The following ANXA1 variants were observed in gnomAD, a reference collection of about 807,000 sequenced individuals.
The protein encoded by ANXA1 is annexin A1.
ANXA1 carries 39 observed loss-of-function variants against 47.9 expected under a neutral mutation model. The observed-to-expected ratio is 0.81, with a 90% CI of 0.63 to 1.06. The LOEUF is 1.06. Ranked by LOEUF, ANXA1 falls within the 50% of genes least tolerant of loss-of-function variation. The probability of loss-of-function intolerance (pLI) is 0.00; values close to 1 mark genes in which losing one functional copy is unlikely to be tolerated. For synonymous variants in ANXA1, 146 were observed against 142.5 expected, an observed-to-expected ratio of 1.02 and a Z score of -0.17; for missense variants, 446 against 422.7, an observed-to-expected ratio of 1.06 and a Z score of -0.48.
At position 73,170,154 on chromosome 9, in the gene ANXA1, A is replaced by G. The variant is rs758769500; in HGVS notation, c.*47A>G. ...GCTATGATCAGAAGACTTTAATTAT[A>G]TATTTTCATCCTATAAGCTTAAATA... On this transcript the variant is annotated 3_prime_UTR_variant, in exon 13 of 13. Transcript: ENST00000257497. 4.6e-6 allele frequency: 7 copies of G among 1,513,578 alleles called. No individual in the cohort carries two copies. The highest frequency in any genetic ancestry group is 5.4e-6 in the Non-Finnish European group (6 of 1,109,414). 93.8% of individuals were successfully genotyped at this position (1,513,578 alleles called of 1,614,324 possible). A position where few individuals can be genotyped will look rare whatever the true frequency, so the allele number is the denominator to read the frequency against.
intron 10 of ANXA1, 58 bp downstream of exon 10, chr9:73,166,250 T>C (rs1170409226): frequency 8.0e-6 from 10 of 1,256,358 alleles, no homozygotes; most frequent in African/African-American, 1.5e-5. Flanking sequence ...TTCAAAGCTA[T>C]CCTATACTTA....
chr9:73,162,728 C>A (rs1824163657), intron 6 of ANXA1, 54 bp from the exon 7 acceptor site: 33 of 1,370,584 alleles, frequency 2.4e-5, no homozygotes, highest in Non-Finnish European at 3.3e-5. Flanking sequence ...GTCAGATATT[C>A]TTATTATTAT....
intron 11 of ANXA1, 140 bp from the exon 12 acceptor site, chr9:73,168,880 GGTGTGTGTGTGT>G (rs3832643): frequency 1.2e-5 from 5 of 402,862 alleles, no homozygotes; most frequent in Non-Finnish European, 2.3e-5. Flanking sequence ...ATTCGTGTAA[GGTGTGTGTGTGT>G]GTGTGTGTGT....
At chr9:73,167,813 T>C (rs1166250488) in intron 11 of ANXA1, 2 of 391,426 alleles carry the variant, frequency 5.1e-6, no homozygotes, top group Non-Finnish European at 4.6e-6. Context: ...TTAAAACATG[T>C]GTCACCACGG....
intron 1 of ANXA1, 63 bp downstream of exon 1, chr9:73,151,987 T>C (rs769267299): frequency 2.6e-5 from 4 of 152,242 alleles, no homozygotes; most frequent in Non-Finnish European, 4.4e-5. Context: ...CATCACTATG[T>C]TAAATGTTAC....
chr9:73,154,258 G>GC, intron 1 of ANXA1: 1 of 1,317,974 alleles, frequency 7.6e-7, no homozygotes, highest in Admixed American at 1.9e-5. Flanking sequence ...ACAAGGCCGT[G>GC]CATTTAAAAA....
At chr9:73,159,673 T>C (rs1191104211) in intron 4 of ANXA1, 1 of 308,802 alleles carries the variant, frequency 3.2e-6, no homozygotes, top group Non-Finnish European at 6.1e-6. Context: ...AATTTTTAAT[T>C]TGAACGTAAA....
At chr9:73,166,042 G>A (rs1352210294) in intron 9 of ANXA1, 55 bp from the exon 10 acceptor site, 2 of 1,407,480 alleles carry the variant, frequency 1.4e-6, no homozygotes, top group Non-Finnish European at 1.9e-6. Context: ...TTTTGCTAAA[G>A]CTTTCTAAAG....
intron 1 of ANXA1, among the ~76,000 whole-genome samples, chr9:73,152,974 A>T (rs1823994817): frequency 6.6e-6 from 1 of 152,204 alleles, no homozygotes; most frequent in Non-Finnish European, 1.5e-5. Context: ...GATTGTAAAA[A>T]CTTTGAGAAA....
chr9:73,168,515 AC>A (rs1195943250), intron 11 of ANXA1: 1 of 152,390 alleles, frequency 6.6e-6, no homozygotes, highest in African/African-American at 2.4e-5. Flanking sequence ...GGAAGAAGTA[AC>A]CCACACACAG....
chr9:73,158,448 T>C lies in ANXA1; in HGVS notation c.-14-74T>C, dbSNP rs573952148. On this transcript the variant is annotated intron_variant, in intron 1 of 12. Coordinates refer to ENST00000257497, the MANE Select transcript of ANXA1 (RefSeq NM_000700.3). ...ACTCTCTAATGCTAACTCTTATGTA[T>C]GTAAGAGGTGAGGAAGGAGAGGTTG... 1.4e-4 allele frequency: 150 copies of C among 1,096,532 alleles called. No individual in the cohort carries two copies. In the African/African-American group the frequency reaches 2.2e-3, roughly 16 times the overall value. 67.9% of individuals were successfully genotyped at this position (1,096,532 alleles called of 1,614,324 possible).
chr9:73,160,625 G>A (rs1824125256), intron 5 of ANXA1, among the ~76,000 whole-genome samples, 178 bp from the exon 6 acceptor site: 1 of 152,040 alleles, frequency 6.6e-6, no homozygotes, highest in Admixed American at 6.6e-5. Context: ...CCAAAATATT[G>A]ATGATAAACT....
rs749564615 is a variant in ANXA1, at chr9:73,159,397, G to A, written c.244G>A (p.Ala82Thr). The A allele has an allele frequency of 1.2e-6, 2 of 1,613,106 alleles. No individual in the cohort carries two copies. The highest frequency in any genetic ancestry group is 1.1e-5 in the South Asian group (1 of 91,058). Residue 82 changes from alanine to threonine, a missense_variant, in exon 4 of 13, where the codon GCA becomes ACA. Ala to Thr is a moderately conservative substitution (Grantham distance 58, BLOSUM62 0). Coordinates refer to ENST00000257497, the MANE Select transcript of ANXA1 (RefSeq NM_000700.3). Reference sequence around the variant, plus strand: ...CAATGCACAGCGTCAACAGATCAAAGCAGCATATCTCCAGGAAACAGGAAA... The same window carrying A: ...CAATGCACAGCGTCAACAGATCAAAACAGCATATCTCCAGGAAACAGGAAA... ...RNNAQRQQIK[A>T]AYLQETGKPL...
Position 73,160,366 on chromosome 9 carries a change from C to T in ANXA1, c.374C>T (p.Ala125Val), listed in dbSNP as rs894827740. ...CAATTTGATGCTGATGAACTTCGTG[C>T]TGCCATGAAGGTAAATCGCCCAATT... The part of the protein sequence containing the change: ...PAQFDADELR[A>V]AMKGLGTDED... The change falls in exon 5 of 13, where the codon GCT (alanine) becomes GTT (valine). Residue 125 changes from alanine to valine, a missense_variant. Ala to Val is a moderately conservative substitution (Grantham distance 64). Transcript: ENST00000257497. The T allele has an allele frequency of 3.2e-6, 5 of 1,575,828 alleles. No homozygotes were observed. In the African/African-American group the frequency reaches 6.9e-5, roughly 22 times the overall value.
intron 8 of ANXA1, 23 bp downstream of exon 8, chr9:73,163,555 C>A (rs2118161628): frequency 6.2e-7 from 1 of 1,611,220 alleles, no homozygotes; most frequent in East Asian, 2.2e-5. Context: ...TTACAAAATA[C>A]TGCTGCAGTT....
chr9:73,159,967 C>G (rs1824110801), intron 4 of ANXA1: 1 of 217,576 alleles, frequency 4.6e-6, no homozygotes. Flanking sequence ...TCTGTTAGCA[C>G]ACAGTCCTCT....
chr9:73,154,302 G>A (rs377458956), intron 1 of ANXA1: 104 of 1,365,972 alleles, frequency 7.6e-5, no homozygotes, highest in Admixed American at 2.9e-4. Context: ...AACCTGCTAC[G>A]GTCTGCGCAA....
rs1433781275 is a variant in ANXA1, at chr9:73,169,049, T to G, written c.879T>G (p.His293Gln). The change falls in exon 12 of 13, where the codon CAT becomes CAG. Residue 293 changes from histidine to glutamine, a missense_variant. Coordinates refer to ENST00000257497, the MANE Select transcript of ANXA1 (RefSeq NM_000700.3). The stretch of plus-strand genomic sequence containing the variant: ...TTGGCCAGGGTGTTGGAACTCGCCA[T>G]AAGGCATTGATCAGGATTATGGTTT... The part of the protein sequence containing the change: ...HQAMKGVGTR[H>Q]KALIRIMVSR... The G allele has an allele frequency of 6.2e-7, 1 of 1,612,242 alleles. No homozygotes were observed. Among genetic ancestry groups the G allele is most frequent in the East Asian group, 2.2e-5 (1 of 44,814 alleles).
At chr9:73,164,128 A>G (rs570511228) in intron 8 of ANXA1, among the ~76,000 whole-genome samples, 1 of 152,148 alleles carries the variant, frequency 6.6e-6, no homozygotes, top group South Asian at 2.1e-4. Context: ...AAAACAAACA[A>G]ACAACTAATA....
Sources: allele counts gnomAD v4.1 joint callset (sites outside exome capture counted in the v4.1 genomes callset), GRCh38; gene constraint gnomAD v4.1.1; transcripts MANE v1.5; gene names NCBI Gene and HGNC (gene_info 2026-07-23, HGNC 2026-07-21).